The following LRRC37A2 variants were observed in gnomAD, a reference collection of about 807,000 sequenced individuals.
The protein encoded by LRRC37A2 is leucine-rich repeat-containing protein 37A2.
LRRC37A2 carries 9 observed loss-of-function variants against 68.8 expected under a neutral mutation model. That is an observed-to-expected ratio of 0.13 (90% confidence interval 0.08 to 0.23). LRRC37A2 has a LOEUF of 0.23. LRRC37A2 is among the 10% of genes least tolerant of loss of function. LRRC37A2 has a pLI of 1.00. For synonymous variants in LRRC37A2, 63 were observed against 367.6 expected, an observed-to-expected ratio of 0.17 and a Z score of 9.48; for missense variants, 168 against 950.4, an observed-to-expected ratio of 0.18 and a Z score of 10.82.
chr17:46,710,940 T>A, the LRRC37A2 span: 1 of 1,568,412 alleles, frequency 6.4e-7, no homozygotes, highest in Non-Finnish European at 8.6e-7. Context: ...CTCAAAATGC[T>A]TTAGACTCCT....
the LRRC37A2 span, among the ~76,000 whole-genome samples, chr17:46,971,018 T>G: frequency 2.0e-5 from 3 of 151,412 alleles, no homozygotes; most frequent in Admixed American, 1.3e-4. Flanking sequence ...AACATTTTTC[T>G]TTTTTTTGTT....
the LRRC37A2 span, among the ~76,000 whole-genome samples, chr17:46,833,652 T>C: frequency 6.6e-6 from 1 of 152,174 alleles, no homozygotes; most frequent in South Asian, 2.1e-4. Context: ...TCTAACAAAA[T>C]CAAGAAATCA....
chr17:46,541,597 T>C (rs1264616682), intron 8 of LRRC37A2, among the ~76,000 whole-genome samples: 2 of 150,834 alleles, frequency 1.3e-5, no homozygotes, highest in Non-Finnish European at 2.9e-5. Flanking sequence ...ATCCATGTTG[T>C]TGCACCTATC....
At chr17:46,505,707 C>CT in the LRRC37A2 span, among the ~76,000 whole-genome samples, 14 of 41,252 alleles carry the variant, frequency 3.4e-4, no homozygotes, top group Admixed American at 3.3e-3. Context: ...AAGTGATCCT[C>CT]TTCCCCCAGG....
chr17:46,859,897 A>G, the LRRC37A2 span, among the ~76,000 whole-genome samples: 1 of 152,208 alleles, frequency 6.6e-6, no homozygotes, highest in African/African-American at 2.4e-5. Context: ...GTGTGCAGGC[A>G]TTGAAAATTT....
the LRRC37A2 span, chr17:46,773,858 G>A: frequency 6.2e-7 from 1 of 1,613,022 alleles, no homozygotes; most frequent in East Asian, 2.2e-5. Context: ...TGGAGCCGCA[G>A]AGCAGGGGCT....
the LRRC37A2 span, among the ~76,000 whole-genome samples, chr17:46,958,571 T>TA: frequency 6.6e-6 from 1 of 152,200 alleles, no homozygotes; most frequent in Admixed American, 6.5e-5. Flanking sequence ...TTGAGCTGCT[T>TA]AGAGGCCTGG....
chr17:46,731,885 A>T, the LRRC37A2 span, among the ~76,000 whole-genome samples: 1 of 152,224 alleles, frequency 6.6e-6, no homozygotes, highest in Non-Finnish European at 1.5e-5. Context: ...TTAACAAAAT[A>T]AAAATGTGCT....
chr17:46,788,756 AGGACCTCCCT>A, the LRRC37A2 span, among the ~76,000 whole-genome samples: 1 of 150,364 alleles, frequency 6.7e-6, no homozygotes, highest in South Asian at 2.1e-4. Context: ...CCTCCCTGCG[AGGACCTCCCT>A]GCCTCCTTTC....
the LRRC37A2 span, among the ~76,000 whole-genome samples, chr17:46,797,238 A>G: frequency 5.8e-3 from 877 of 152,314 alleles, 7 homozygotes; most frequent in Non-Finnish European, 7.3e-3. Context: ...GGCTGATGTT[A>G]TAAGAAACAC....
the LRRC37A2 span, among the ~76,000 whole-genome samples, chr17:46,795,275 G>T: frequency 6.6e-6 from 1 of 152,082 alleles, no homozygotes; most frequent in Admixed American, 6.6e-5. Context: ...CCCCTCTACC[G>T]GCGCCCCATG....
chr17:47,043,514 T>C, the LRRC37A2 span, among the ~76,000 whole-genome samples: 1 of 138,934 alleles, frequency 7.2e-6, no homozygotes, highest in Non-Finnish European at 1.6e-5. Context: ...AAAAAAAAAA[T>C]GTGGTCTCTG....
At chr17:46,475,690 C>A in the LRRC37A2 span, among the ~76,000 whole-genome samples, 3 of 77,394 alleles carry the variant, frequency 3.9e-5, 1 homozygote, top group East Asian at 7.3e-4. Flanking sequence ...CTTCAGGGGT[C>A]CTCAGAGGTG....
chr17:46,885,219 T>G, the LRRC37A2 span: 1 of 309,476 alleles, frequency 3.2e-6, no homozygotes. Flanking sequence ...TTGGTCAGGC[T>G]GGTCTCGAAC....
the LRRC37A2 span, among the ~76,000 whole-genome samples, chr17:46,503,128 C>T: frequency 6.7e-6 from 1 of 148,760 alleles, no homozygotes; most frequent in Non-Finnish European, 1.5e-5. Context: ...AGGAGAATGG[C>T]GTGAACCCGG....
chr17:46,876,389 T>C, the LRRC37A2 span: 2 of 1,613,886 alleles, frequency 1.2e-6, no homozygotes, highest in Non-Finnish European at 1.7e-6. Context: ...TGTCAAGGTG[T>C]CCAGTGCCAC....
At chr17:46,867,091 G>A in the LRRC37A2 span, among the ~76,000 whole-genome samples, 1 of 152,240 alleles carries the variant, frequency 6.6e-6, no homozygotes, top group African/African-American at 2.4e-5. Flanking sequence ...TCCTCAAGGA[G>A]GCAGGCCAGT....
At chr17:47,011,845 A>G in the LRRC37A2 span, among the ~76,000 whole-genome samples, 1 of 152,114 alleles carries the variant, frequency 6.6e-6, no homozygotes, top group Admixed American at 6.5e-5. Flanking sequence ...TACATAAATG[A>G]TGTGTCCTCC....
the LRRC37A2 span, among the ~76,000 whole-genome samples, chr17:46,667,594 G>T: frequency 1.4e-5 from 2 of 139,986 alleles, 1 homozygote; most frequent in Non-Finnish European, 3.2e-5. Flanking sequence ...GAGAACCACT[G>T]ACTAGAAAAG....
Sources: gnomAD v4.1 joint callset for allele counts (sites outside exome capture counted in the v4.1 genomes callset) on GRCh38, gnomAD v4.1.1 for gene constraint, MANE v1.5 for transcripts, NCBI Gene and HGNC (gene_info 2026-07-23, HGNC 2026-07-21) for gene names.